Variants in STIL observed in about 807,000 individuals in gnomAD.
The protein encoded by STIL is SCL-interrupting locus protein.
A neutral mutation model predicts 110.1 loss-of-function variants in STIL; 55 were observed. The ratio of observed to expected loss-of-function variants is 0.50; its 90% CI spans 0.40 to 0.63. The LOEUF (loss-of-function observed/expected upper bound fraction) is 0.63, where lower values mean the gene tolerates loss of function less well. STIL is among the 20% of genes least tolerant of loss of function. STIL has a pLI of 0.00. For missense variants in STIL, 1,358 were observed against 1,530.0 expected (o/e 0.89, Z 1.87); for synonymous variants, 481 against 530.0 (o/e 0.91, Z 1.27).
intron 12 of STIL, among the ~76,000 whole-genome samples, chr1:47,273,764 T>G (rs1644908370): frequency 1.3e-5 from 2 of 152,236 alleles, no homozygotes; most frequent in Non-Finnish European, 2.9e-5. Flanking sequence ...TCTGCTTCTC[T>G]ACAAATGGTA....
chr1:47,272,997 G>A (rs754758649), intron 12 of STIL, among the ~76,000 whole-genome samples: 1 of 152,136 alleles, frequency 6.6e-6, no homozygotes, highest in African/African-American at 2.4e-5. Context: ...AGCGCCTGTT[G>A]TTTGCAAGAC....
intron 16 of STIL, among the ~76,000 whole-genome samples, chr1:47,258,930 T>C (rs1269655750): frequency 6.7e-6 from 1 of 150,094 alleles, no homozygotes; most frequent in African/African-American, 2.5e-5. Context: ...CATACACATA[T>C]ACTTGAACAT....
Position 47,269,637 on chromosome 1 carries a change from G to A in STIL, c.2613C>T (p.Ser871=). ...AGACTAAATCAAAGAGACCTTACTT[G>A]GATACAGAAAGTGGCTGGTTAAATT... ...EEEFNQPLSV[S]NSSSLVVRKE... The change falls in exon 14 of 17, where the codon TCC becomes TCT. Residue 871 remains serine, a splice_region_variant and synonymous_variant. Transcript: ENST00000371877. 6.2e-7 allele frequency: 1 copy of A among 1,613,694 alleles called. No individual in the cohort carries two copies. The highest frequency in any genetic ancestry group is 8.5e-7 in the Non-Finnish European group (1 of 1,179,650).
chr1:47,299,841 T>C, intron 6 of STIL, 64 bp downstream of exon 6: 2 of 1,530,794 alleles, frequency 1.3e-6, no homozygotes, highest in Non-Finnish European at 1.8e-6. Flanking sequence ...TCTTTCACAT[T>C]ACATGGACAT....
rs1645148542 is a variant in STIL at position 47,281,155 on chromosome 1, A to C, written c.1303T>G (p.Phe435Val). 1 of 1,613,808 alleles carries C rather than the reference A, an allele frequency of 6.2e-7. No homozygotes were observed. The highest frequency in any genetic ancestry group is 1.1e-5 in the South Asian group (1 of 90,964). Residue 435 changes from phenylalanine to valine, a missense_variant, in exon 12 of 17, where the codon TTC becomes GTC. Transcript: ENST00000371877. ...GTAGGCAGAGGGTTTGATTCTATGA[A>C]ATTGCCATCCAACACAAGTGAAAGT... ...PELSLVLDGN[F>V]IESNPLPTPL... is the part of the protein sequence containing the mutation.
intron 8 of STIL, among the ~76,000 whole-genome samples, chr1:47,293,047 T>C (rs577557248): frequency 2.1e-4 from 32 of 152,342 alleles, no homozygotes; most frequent in Non-Finnish European, 1.0e-4. Flanking sequence ...TTAAAAATCT[T>C]GTCTCAAGTA....
At chr1:47,292,358 T>C (rs1176290721) in intron 8 of STIL, among the ~76,000 whole-genome samples, 2 of 152,180 alleles carry the variant, frequency 1.3e-5, no homozygotes, top group Non-Finnish European at 2.9e-5. Context: ...TTTGGCAATA[T>C]CTACCAAATT....
At chr1:47,262,758 G>T (rs1570045815) in intron 15 of STIL, 145 bp downstream of exon 15, 2 of 701,070 alleles carry the variant, frequency 2.9e-6, no homozygotes, top group Non-Finnish European at 2.4e-6. Context: ...TTTATGAAAA[G>T]CTAAAAGAAA....
chr1:47,294,986 A>G (rs139239408), intron 7 of STIL, among the ~76,000 whole-genome samples: 4,456 of 152,076 alleles, frequency 0.029, 120 homozygotes, highest in Non-Finnish European at 0.042. Context: ...CAATGGCGCA[A>G]TCTCAGCTCA....
At chr1:47,271,926 C>T (rs777773118) in intron 13 of STIL, 150 bp downstream of exon 13, 40 of 763,846 alleles carry the variant, frequency 5.2e-5, no homozygotes, top group Non-Finnish European at 7.8e-5. Context: ...TTCACAAAGA[C>T]TAAAATCACA....
intron 10 of STIL, among the ~76,000 whole-genome samples, chr1:47,285,967 C>T (rs1012399894): frequency 1.6e-4 from 24 of 151,258 alleles, no homozygotes; most frequent in Non-Finnish European, 2.2e-4. Flanking sequence ...CTCTGCCTCC[C>T]GGGTTCAAGC....
In STIL at chr1:47,287,541, G is replaced by C. The variant is rs539623822; in HGVS notation, c.1133+10C>G. The C allele has an allele frequency of 6.3e-7, 1 of 1,576,650 alleles. No homozygotes were observed. The highest frequency in any genetic ancestry group is 8.7e-7 in the Non-Finnish European group (1 of 1,152,192). On this transcript the variant is annotated intron_variant, in intron 10 of 16. Transcript: ENST00000371877. ...AAAAACACACACATAATAACAAAAAGATCTTTTACCTCTTAATTGAAAAAT... is the reference window on the plus strand; with the variant it reads ...AAAAACACACACATAATAACAAAAACATCTTTTACCTCTTAATTGAAAAAT...
chr1:47,307,870 G>A (rs1391502754), intron 2 of STIL, among the ~76,000 whole-genome samples: 2 of 152,134 alleles, frequency 1.3e-5, no homozygotes, highest in Non-Finnish European at 2.9e-5. Context: ...TGGCCCCCCC[G>A]GGGCGTACCT....
intron 13 of STIL, among the ~76,000 whole-genome samples, chr1:47,270,235 A>T (rs542397678): frequency 0.019 from 1,948 of 102,108 alleles, 71 homozygotes; most frequent in African/African-American, 0.069. Flanking sequence ...CTCAAAAAAA[A>T]AAAAAAATAT....
rs186462243 is a variant in STIL at position 47,294,224 on chromosome 1, A to G, written c.786-680T>C. On this transcript the variant is annotated intron_variant, in intron 7 of 16. Coordinates refer to ENST00000371877, the MANE Select transcript of STIL (RefSeq NM_001048166.1). ...CTTCTCTAGGAAAATGCTCCCTATCATATCTTTCTTACAAATACTAAGTGT... is the reference window on the plus strand; with the variant it reads ...CTTCTCTAGGAAAATGCTCCCTATCGTATCTTTCTTACAAATACTAAGTGT... Among the ~76,000 whole-genome samples, 548 of 152,260 alleles carry G rather than the reference A, an allele frequency of 3.6e-3. 5 individuals are homozygous for G. The highest frequency in any genetic ancestry group is 0.012 in the African/African-American group (511 of 41,556).
chr1:47,308,927 C>T (rs1646043882), intron 2 of STIL, among the ~76,000 whole-genome samples: 1 of 151,938 alleles, frequency 6.6e-6, no homozygotes, highest in South Asian at 2.1e-4. Flanking sequence ...TGGCGCACGC[C>T]TGTAATCCCA....
At chr1:47,265,855 C>T (rs1644639811) in intron 14 of STIL, among the ~76,000 whole-genome samples, 3 of 150,512 alleles carry the variant, frequency 2.0e-5, no homozygotes, top group South Asian at 4.2e-4. Flanking sequence ...GGCGTGATCA[C>T]AGCTCACTGC....
At chr1:47,297,260 T>C (rs769055106) in intron 6 of STIL, among the ~76,000 whole-genome samples, 1 of 151,754 alleles carries the variant, frequency 6.6e-6, no homozygotes, top group Non-Finnish European at 1.5e-5. Context: ...GAGAATCACT[T>C]GAACCCAGGA....
intron 16 of STIL, among the ~76,000 whole-genome samples, chr1:47,259,337 T>C (rs1570024426): frequency 8.0e-6 from 1 of 124,928 alleles, no homozygotes. Flanking sequence ...CCAGGCTAGA[T>C]AGAGTGCAGT....
Sources: gnomAD v4.1 joint callset for allele counts (sites outside exome capture counted in the v4.1 genomes callset) on GRCh38, gnomAD v4.1.1 for gene constraint, MANE v1.5 for transcripts, NCBI Gene and HGNC (gene_info 2026-07-23, HGNC 2026-07-21) for gene names.